The following CDK14 variants were observed in gnomAD, a reference collection of about 807,000 sequenced individuals.
CDK14 encodes the protein cyclin-dependent kinase 14.
Under a neutral mutation model 60.7 loss-of-function variants are expected in CDK14, and 34 were observed. That is an observed-to-expected ratio of 0.56 (90% CI 0.43 to 0.75). CDK14 has a LOEUF of 0.75. Among genes scored for constraint, CDK14 ranks in the 30% least tolerant of loss-of-function variants. The pLI is 0.00. For missense variants in CDK14, 482 were observed against 564.1 expected, an observed-to-expected ratio of 0.85 and a Z score of 1.47; for synonymous variants, 197 against 203.7, an observed-to-expected ratio of 0.97 and a Z score of 0.28.
At chr7:90,859,638 T>TC (rs1355129219) in intron 5 of CDK14, among the ~76,000 whole-genome samples, 2 of 152,196 alleles carry the variant, frequency 1.3e-5, no homozygotes, top group Non-Finnish European at 2.9e-5. Flanking sequence ...CCACATATTT[T>TC]CCATCCTTCA....
At chr7:90,991,931 G>A (rs1217304262) in intron 10 of CDK14, among the ~76,000 whole-genome samples, 3 of 152,060 alleles carry the variant, frequency 2.0e-5, no homozygotes, top group African/African-American at 7.2e-5. Context: ...GAAAAACCCT[G>A]GACTAATAAC....
intron 14 of CDK14, among the ~76,000 whole-genome samples, chr7:91,155,428 T>C (rs1235350859): frequency 6.6e-6 from 1 of 152,256 alleles, no homozygotes; most frequent in Non-Finnish European, 1.5e-5. Flanking sequence ...TTCATTTTTT[T>C]CCTAGCTTCT....
chr7:91,079,461 C>T lies in CDK14; in HGVS notation c.1135C>T (p.Leu379Phe), dbSNP rs34419285. 1 of 1,602,124 alleles carries T rather than the reference C, an allele frequency of 6.2e-7. No homozygotes were observed. The highest frequency in any genetic ancestry group is 8.5e-7 in the Non-Finnish European group (1 of 1,170,644). ...CTTTACCCTGTACAGCTCTAAAAAC[C>T]TTAGACAAGCATGGAATAAGTAAGT... ...ERFTLYSSKNLRQAWNKLSYV... is the reference protein window; with the variant it reads ...ERFTLYSSKNFRQAWNKLSYV... The change falls in exon 12 of 15, where the codon CTT becomes TTT. Residue 379 changes from leucine to phenylalanine, a missense_variant. Transcript: ENST00000380050.
At chr7:91,031,605 C>G (rs1332741774) in intron 10 of CDK14, among the ~76,000 whole-genome samples, 1 of 152,028 alleles carries the variant, frequency 6.6e-6, no homozygotes, top group African/African-American at 2.4e-5. Flanking sequence ...GGGGCCTTAG[C>G]CAAACGATTA....
intron 6 of CDK14, among the ~76,000 whole-genome samples, chr7:90,885,593 C>T (rs190532029): frequency 1.3e-5 from 2 of 152,226 alleles, no homozygotes; most frequent in East Asian, 3.9e-4. Context: ...ATAAATCATT[C>T]TACTATGAAG....
At chr7:90,728,137 A>G (rs561527043) in intron 3 of CDK14, among the ~76,000 whole-genome samples, 1 of 152,154 alleles carries the variant, frequency 6.6e-6, no homozygotes, top group South Asian at 2.1e-4. Flanking sequence ...TCCCTAGACT[A>G]TTCTGGTTTC....
chr7:90,747,196 A>G (rs188273528), intron 3 of CDK14, among the ~76,000 whole-genome samples: 111 of 152,338 alleles, frequency 7.3e-4, no homozygotes, highest in Middle Eastern at 3.4e-3. Context: ...ACCATTAGAA[A>G]AGGTAAAAAC....
chr7:90,837,234 T>C (rs555594039), intron 5 of CDK14, among the ~76,000 whole-genome samples: 3 of 152,260 alleles, frequency 2.0e-5, no homozygotes, highest in East Asian at 1.9e-4. Flanking sequence ...GAGTTTGTTA[T>C]TAGGCTTGCT....
chr7:90,923,466 A>G (rs1793316544), intron 8 of CDK14, among the ~76,000 whole-genome samples: 1 of 152,202 alleles, frequency 6.6e-6, no homozygotes, highest in African/African-American at 2.4e-5. Flanking sequence ...AACAAGAAGG[A>G]TGTATATGAA....
At chr7:91,124,579 A>C (rs1232586714) in intron 14 of CDK14, among the ~76,000 whole-genome samples, 1 of 152,060 alleles carries the variant, frequency 6.6e-6, no homozygotes, top group South Asian at 2.1e-4. Flanking sequence ...ATGCTTCACA[A>C]ATTGGTTCAT....
At chr7:91,188,004 G>A (rs1802244706) in intron 14 of CDK14, among the ~76,000 whole-genome samples, 1 of 152,152 alleles carries the variant, frequency 6.6e-6, no homozygotes, top group Admixed American at 6.5e-5. Flanking sequence ...GCATTCATCC[G>A]TGCAAGCTTC....
intron 4 of CDK14, 54 bp downstream of exon 4, chr7:90,747,829 T>C: frequency 2.6e-6 from 2 of 755,602 alleles, no homozygotes; most frequent in Non-Finnish European, 4.1e-6. Context: ...TGCCCTCTTA[T>C]TACTAAATAG....
intron 14 of CDK14, among the ~76,000 whole-genome samples, chr7:91,147,357 C>G (rs1800686580): frequency 6.6e-6 from 1 of 151,894 alleles, no homozygotes; most frequent in Non-Finnish European, 1.5e-5. Context: ...ATGCTGGCTG[C>G]TAGTTACTTT....
chr7:90,612,409 G>A (rs1799559673), intron 2 of CDK14, among the ~76,000 whole-genome samples: 1 of 152,050 alleles, frequency 6.6e-6, no homozygotes, highest in African/African-American at 2.4e-5. Context: ...GGCATTTATG[G>A]GTTGACCATC....
intron 8 of CDK14, among the ~76,000 whole-genome samples, chr7:90,950,787 T>A (rs975244688): frequency 5.9e-5 from 9 of 152,228 alleles, no homozygotes; most frequent in Non-Finnish European, 1.3e-4. Context: ...GTGTTTGGGA[T>A]CATCAGTATA....
chr7:90,973,064 G>T (rs1229023671), intron 9 of CDK14, among the ~76,000 whole-genome samples: 1 of 152,150 alleles, frequency 6.6e-6, no homozygotes, highest in Non-Finnish European at 1.5e-5. Context: ...ATGTTGAAAG[G>T]CAGAGAACTA....
chr7:90,752,362 G>A (rs1453975211), intron 4 of CDK14, among the ~76,000 whole-genome samples: 1 of 151,502 alleles, frequency 6.6e-6, no homozygotes, highest in Admixed American at 6.6e-5. Context: ...AATACCAAGA[G>A]GATTTCCCCA....
chr7:90,678,301 C>A (rs1199160191), intron 2 of CDK14, among the ~76,000 whole-genome samples: 1 of 152,162 alleles, frequency 6.6e-6, no homozygotes, highest in Non-Finnish European at 1.5e-5. Flanking sequence ...GCCCCCTTGG[C>A]TGATGCTTGG....
intron 4 of CDK14, among the ~76,000 whole-genome samples, chr7:90,773,853 T>TCTCCTC (rs1401201596): frequency 6.5e-5 from 4 of 61,678 alleles, no homozygotes; most frequent in African/African-American, 1.8e-4. Flanking sequence ...CCTCCTCTCC[T>TCTCCTC]CTCCTCTCCT....
Sources: gnomAD v4.1 joint callset for allele counts (sites outside exome capture counted in the v4.1 genomes callset) on GRCh38, gnomAD v4.1.1 for gene constraint, MANE v1.5 for transcripts, NCBI Gene and HGNC (gene_info 2026-07-23, HGNC 2026-07-21) for gene names.